The following DNAH11 variants were observed in gnomAD, a reference collection of about 807,000 sequenced individuals.
DNAH11 encodes the protein dynein axonemal heavy chain 11.
Under a neutral mutation model 526.0 loss-of-function variants are expected in DNAH11, and 442 were observed. The observed-to-expected ratio is 0.84, with a 90% CI of 0.78 to 0.91. The LOEUF (loss-of-function observed/expected upper bound fraction) is 0.91, where lower values mean the gene tolerates loss of function less well. Among genes scored for constraint, DNAH11 ranks in the 40% least tolerant of loss-of-function variants. The pLI, the probability that DNAH11 is intolerant of heterozygous loss-of-function variation, is 0.00. For synonymous variants in DNAH11, 2,461 were observed against 1,935.9 expected (o/e 1.27, Z -7.12); for missense variants, 6,989 against 5,448.7 (o/e 1.28, Z -8.90).
chr7:21,735,033 G>T (rs1785542557), intron 45 of DNAH11, among the ~76,000 whole-genome samples: 1 of 151,922 alleles, frequency 6.6e-6, no homozygotes, highest in Non-Finnish European at 1.5e-5. Flanking sequence ...AGCCGGGCGT[G>T]GTGGTGCACA....
chr7:21,883,753 C>T (rs1334521308), intron 75 of DNAH11, among the ~76,000 whole-genome samples: 5 of 152,252 alleles, frequency 3.3e-5, no homozygotes, highest in East Asian at 1.9e-4. Flanking sequence ...TTAAAATCTG[C>T]CTAAGGCTGG....
chr7:21,602,295 C>T (rs1225893661), intron 18 of DNAH11, among the ~76,000 whole-genome samples: 1 of 152,132 alleles, frequency 6.6e-6, no homozygotes, highest in Non-Finnish European at 1.5e-5. Flanking sequence ...GCTGAGATCA[C>T]ACCACTGCAC....
At chr7:21,561,611 C>T (rs1783463389) in intron 5 of DNAH11, among the ~76,000 whole-genome samples, 2 of 152,116 alleles carry the variant, frequency 1.3e-5, no homozygotes, top group South Asian at 4.1e-4. Context: ...ATTAAATGTA[C>T]AGAGTGGAGG....
intron 40 of DNAH11, among the ~76,000 whole-genome samples, chr7:21,709,134 C>G (rs911114791): frequency 6.6e-6 from 1 of 152,184 alleles, no homozygotes; most frequent in East Asian, 1.9e-4. Context: ...CTCATATGTT[C>G]ACTGCAGCAC....
At chr7:21,706,673 C>A (rs1388571532) in intron 39 of DNAH11, among the ~76,000 whole-genome samples, 1 of 152,132 alleles carries the variant, frequency 6.6e-6, no homozygotes, top group African/African-American at 2.4e-5. Flanking sequence ...TTCTTCTAGT[C>A]TTCACCAGTT....
At chr7:21,849,186 C>A (rs1324997560) in intron 66 of DNAH11, among the ~76,000 whole-genome samples, 1 of 152,100 alleles carries the variant, frequency 6.6e-6, no homozygotes, top group Non-Finnish European at 1.5e-5. Flanking sequence ...TGCCCAGCCT[C>A]TAATTCCATT....
intron 62 of DNAH11, among the ~76,000 whole-genome samples, chr7:21,802,204 T>C (rs1170170968): frequency 6.6e-6 from 1 of 152,206 alleles, no homozygotes; most frequent in Non-Finnish European, 1.5e-5. Flanking sequence ...CCATAAAAGA[T>C]ATGCAGATAG....
At chr7:21,723,453 C>G (rs1189197212) in intron 44 of DNAH11, among the ~76,000 whole-genome samples, 1 of 152,192 alleles carries the variant, frequency 6.6e-6, no homozygotes, top group Non-Finnish European at 1.5e-5. Context: ...TTTATCTGAA[C>G]TCCCATAAAC....
At chr7:21,667,118 T>C (rs1258767106) in intron 30 of DNAH11, among the ~76,000 whole-genome samples, 1 of 152,068 alleles carries the variant, frequency 6.6e-6, no homozygotes, top group Non-Finnish European at 1.5e-5. Context: ...ATGTGGAGTT[T>C]ATGGTTAGTG....
intron 65 of DNAH11, among the ~76,000 whole-genome samples, chr7:21,824,148 G>A (rs1342034315): frequency 6.6e-6 from 1 of 152,070 alleles, no homozygotes; most frequent in Non-Finnish European, 1.5e-5. Flanking sequence ...TATACTAGTT[G>A]CATCCTAGGA....
intron 42 of DNAH11, among the ~76,000 whole-genome samples, chr7:21,712,102 C>G (rs1158681444): frequency 6.6e-6 from 1 of 152,152 alleles, no homozygotes; most frequent in East Asian, 1.9e-4. Context: ...TTAGACTACT[C>G]TAGGTACCGC....
intron 14 of DNAH11, 40 bp from the exon 15 acceptor site, chr7:21,599,747 A>G: frequency 5.1e-6 from 7 of 1,377,076 alleles, no homozygotes; most frequent in Non-Finnish European, 6.8e-6. Context: ...TATGCTAATT[A>G]TTTGTTTATA....
chr7:21,897,030 A>G (rs1193454000), intron 79 of DNAH11, among the ~76,000 whole-genome samples: 5 of 152,194 alleles, frequency 3.3e-5, no homozygotes, highest in African/African-American at 1.2e-4. Context: ...AGCCATGATC[A>G]TGCCACTGCA....
intron 54 of DNAH11, among the ~76,000 whole-genome samples, chr7:21,755,997 T>C (rs975361332): frequency 6.6e-6 from 1 of 152,116 alleles, no homozygotes; most frequent in Non-Finnish European, 1.5e-5. Flanking sequence ...TTTAGGTGTT[T>C]CCAGTTTTAA....
At chr7:21,817,911 T>C (rs1417201164) in intron 64 of DNAH11, among the ~76,000 whole-genome samples, 1 of 152,198 alleles carries the variant, frequency 6.6e-6, no homozygotes, top group East Asian at 1.9e-4. Context: ...AATTTAAATG[T>C]ATGATAGTTG....
chr7:21,896,395 C>T (rs1784517748), intron 79 of DNAH11, among the ~76,000 whole-genome samples: 1 of 152,140 alleles, frequency 6.6e-6, no homozygotes, highest in Admixed American at 6.5e-5. Flanking sequence ...TCCTTCAGCA[C>T]TTTGATGTTC....
intron 69 of DNAH11, 84 bp from the exon 70 acceptor site, chr7:21,864,451 A>G: frequency 7.1e-7 from 1 of 1,406,672 alleles, no homozygotes; most frequent in African/African-American, 1.4e-5. Flanking sequence ...CTACTCAGTC[A>G]TGTCTGTTAA....
intron 42 of DNAH11, among the ~76,000 whole-genome samples, chr7:21,716,531 C>A (rs1784669457): frequency 6.6e-6 from 1 of 152,186 alleles, no homozygotes; most frequent in South Asian, 2.1e-4. Flanking sequence ...CATATCCAGG[C>A]AGTTTCACTT....
At chr7:21,619,276 T>C (rs1431473551) in intron 24 of DNAH11, 54 bp downstream of exon 24, 2 of 1,576,266 alleles carry the variant, frequency 1.3e-6, no homozygotes, top group East Asian at 2.3e-5. Context: ...GGTATTTGCA[T>C]AGAAGCCAAC....
Sources: gnomAD v4.1 joint callset for allele counts (sites outside exome capture counted in the v4.1 genomes callset) on GRCh38, gnomAD v4.1.1 for gene constraint, MANE v1.5 for transcripts, NCBI Gene and HGNC (gene_info 2026-07-23, HGNC 2026-07-21) for gene names.